Variants in SLC9A9 observed in about 807,000 individuals in gnomAD.
SLC9A9 encodes the protein solute carrier family 9 member A9, also known as sodium/hydrogen exchanger 9.
In SLC9A9, 62 loss-of-function variants were observed where a neutral mutation model predicts 77.8. The ratio of observed to expected loss-of-function variants is 0.80; its 90% confidence interval spans 0.65 to 0.98. SLC9A9 has a LOEUF of 0.98. Ranked by LOEUF, SLC9A9 falls within the 50% of genes least tolerant of loss-of-function variation. SLC9A9 has a pLI of 0.00. For missense variants in SLC9A9, 775 were observed against 774.9 expected, an observed-to-expected ratio of 1.00 and a Z score of 0.00; for synonymous variants, 320 against 283.5, an observed-to-expected ratio of 1.13 and a Z score of -1.29.
At chr3:143,305,264 C>A (rs1241038419) in intron 14 of SLC9A9, among the ~76,000 whole-genome samples, 2 of 152,170 alleles carry the variant, frequency 1.3e-5, no homozygotes, top group Admixed American at 6.5e-5. Context: ...CTCCTCTTAA[C>A]CCCCTCACTG....
intron 11 of SLC9A9, among the ~76,000 whole-genome samples, chr3:143,488,571 C>T (rs925390636): frequency 4.6e-5 from 7 of 151,756 alleles, no homozygotes; most frequent in South Asian, 2.1e-4. Flanking sequence ...GATTTGTTCC[C>T]GGAATGCAAT....
At chr3:143,683,932 A>G (rs1046992043) in intron 5 of SLC9A9, among the ~76,000 whole-genome samples, 1 of 152,080 alleles carries the variant, frequency 6.6e-6, no homozygotes, top group Non-Finnish European at 1.5e-5. Context: ...ACTGTATTAT[A>G]CTGATGGAAA....
chr3:143,754,296 G>C (rs573116048), intron 4 of SLC9A9, among the ~76,000 whole-genome samples: 3 of 152,338 alleles, frequency 2.0e-5, no homozygotes, highest in Non-Finnish European at 4.4e-5. Context: ...CCCAGGGTCA[G>C]GATATGATGC....
intron 14 of SLC9A9, among the ~76,000 whole-genome samples, chr3:143,276,028 A>G (rs1938036847): frequency 6.6e-6 from 1 of 151,654 alleles, no homozygotes; most frequent in Non-Finnish European, 1.5e-5. Context: ...GCTGATCTAG[A>G]CCTAGTCTGT....
intron 12 of SLC9A9, among the ~76,000 whole-genome samples, chr3:143,409,113 T>C (rs2034043142): frequency 6.6e-6 from 1 of 152,224 alleles, no homozygotes; most frequent in South Asian, 2.1e-4. Context: ...TCCTGGAGCA[T>C]GAATTGGGCT....
intron 6 of SLC9A9, among the ~76,000 whole-genome samples, chr3:143,617,209 TAG>T (rs2038120115): frequency 6.6e-6 from 1 of 152,228 alleles, no homozygotes; most frequent in Non-Finnish European, 1.5e-5. Flanking sequence ...TTACTTTGAT[TAG>T]GCAAGAGTCA....
intron 4 of SLC9A9, among the ~76,000 whole-genome samples, chr3:143,772,026 G>A (rs947223991): frequency 2.8e-5 from 4 of 142,912 alleles, no homozygotes; most frequent in African/African-American, 1.1e-4. Context: ...CCCAGAATGT[G>A]TGTGTGTGTG....
chr3:143,635,876 A>G (rs2108732028), intron 6 of SLC9A9, among the ~76,000 whole-genome samples: 1 of 152,268 alleles, frequency 6.6e-6, no homozygotes, highest in Middle Eastern at 3.4e-3. Context: ...AATATTTCAT[A>G]GTTTATAGTT....
intron 12 of SLC9A9, among the ~76,000 whole-genome samples, chr3:143,404,373 T>C (rs1406855259): frequency 3.3e-5 from 5 of 152,200 alleles, no homozygotes; most frequent in African/African-American, 7.2e-5. Flanking sequence ...GTTCTCACCA[T>C]GTTGGCTAGG....
At chr3:143,751,680 C>G (rs576658402) in intron 4 of SLC9A9, among the ~76,000 whole-genome samples, 2 of 152,310 alleles carry the variant, frequency 1.3e-5, no homozygotes, top group African/African-American at 2.4e-5. Context: ...ACAAGAACCT[C>G]TGCTTCAGGG....
chr3:143,801,872 T>C (rs926829835), intron 2 of SLC9A9, among the ~76,000 whole-genome samples: 8 of 152,188 alleles, frequency 5.3e-5, no homozygotes, highest in African/African-American at 1.7e-4. Context: ...ACCATGCTGT[T>C]ATATAGGCTG....
chr3:143,270,833 GA>G (rs1288162553), intron 14 of SLC9A9, among the ~76,000 whole-genome samples: 1 of 152,202 alleles, frequency 6.6e-6, no homozygotes, highest in African/African-American at 2.4e-5. Flanking sequence ...AAATCCTGAT[GA>G]GGTTATTATC....
chr3:143,735,328 G>A (rs1166636429), intron 4 of SLC9A9, among the ~76,000 whole-genome samples: 1 of 152,060 alleles, frequency 6.6e-6, no homozygotes, highest in Non-Finnish European at 1.5e-5. Flanking sequence ...TGTCCTTTGG[G>A]GAATTCTAGG....
At chr3:143,843,811 G>A (rs1370907615) in intron 1 of SLC9A9, among the ~76,000 whole-genome samples, 1 of 152,130 alleles carries the variant, frequency 6.6e-6, no homozygotes, top group Non-Finnish European at 1.5e-5. Flanking sequence ...TAAGTGAGTG[G>A]TACTAAGTGC....
At chr3:143,793,387 T>C (rs960246838) in intron 4 of SLC9A9, among the ~76,000 whole-genome samples, 4 of 152,214 alleles carry the variant, frequency 2.6e-5, no homozygotes, top group African/African-American at 7.2e-5. Context: ...TAAAACCAGT[T>C]GTACCAAAGA....
intron 4 of SLC9A9, among the ~76,000 whole-genome samples, chr3:143,772,114 G>C (rs1263354006): frequency 6.6e-6 from 1 of 151,986 alleles, no homozygotes; most frequent in Non-Finnish European, 1.5e-5. Flanking sequence ...GAGTGGCACA[G>C]ACATGCCCCA....
At chr3:143,805,799 C>A (rs570773015) in intron 2 of SLC9A9, among the ~76,000 whole-genome samples, 8 of 152,090 alleles carry the variant, frequency 5.3e-5, no homozygotes, top group Non-Finnish European at 1.2e-4. Flanking sequence ...TCCTATAAAA[C>A]GGCCCCACCC....
At chr3:143,392,713 G>T (rs776530210) in intron 12 of SLC9A9, among the ~76,000 whole-genome samples, 2 of 152,150 alleles carry the variant, frequency 1.3e-5, no homozygotes, top group Non-Finnish European at 1.5e-5. Flanking sequence ...CCCATCTCAC[G>T]TGCAGAGACA....
chr3:143,386,573 T>C (rs1199345873), intron 12 of SLC9A9, among the ~76,000 whole-genome samples: 2 of 152,196 alleles, frequency 1.3e-5, no homozygotes, highest in South Asian at 2.1e-4. Flanking sequence ...ACCTGTTATA[T>C]AGTAAGTTTT....
Sources: gnomAD v4.1 joint callset for allele counts (sites outside exome capture counted in the v4.1 genomes callset) on GRCh38, gnomAD v4.1.1 for gene constraint, MANE v1.5 for transcripts, NCBI Gene and HGNC (gene_info 2026-07-23, HGNC 2026-07-21) for gene names.